The following HTR7 variants were observed in gnomAD, a reference collection of about 807,000 sequenced individuals.
The protein encoded by HTR7 is 5-hydroxytryptamine receptor 7, also known as 5-HT-7.
In HTR7, 16 loss-of-function variants were observed where a neutral mutation model predicts 34.0. The ratio of observed to expected loss-of-function variants is 0.47; its 90% CI spans 0.32 to 0.71. The LOEUF (loss-of-function observed/expected upper bound fraction) is 0.71, where lower values mean the gene tolerates loss of function less well. Among genes scored for constraint, HTR7 ranks in the 30% least tolerant of loss-of-function variants. The probability of loss-of-function intolerance (pLI) is 0.04; values close to 1 mark genes in which losing one functional copy is unlikely to be tolerated. For missense variants in HTR7, 504 were observed against 625.5 expected, an observed-to-expected ratio of 0.81 and a Z score of 2.07; for synonymous variants, 265 against 260.2, an observed-to-expected ratio of 1.02 and a Z score of -0.18.
chr10:90,856,252 G>C (rs1376719755), intron 1 of HTR7, among the ~76,000 whole-genome samples: 3 of 152,214 alleles, frequency 2.0e-5, no homozygotes. Flanking sequence ...AAGTGAAATA[G>C]AGTTGTTTTA....
At chr10:90,830,789 GA>G (rs770904900) in intron 1 of HTR7, among the ~76,000 whole-genome samples, 1,681 of 83,740 alleles carry the variant, frequency 0.02, 30 homozygotes, top group African/African-American at 0.066. Flanking sequence ...CCCTGTCTCA[GA>G]AAAAAAAAAA....
At chr10:90,814,482 T>C (rs4933195) in intron 1 of HTR7, among the ~76,000 whole-genome samples, 5 of 151,962 alleles carry the variant, frequency 3.3e-5, no homozygotes, top group Admixed American at 6.6e-5. Flanking sequence ...ATGCTAATAA[T>C]ACATTAAAGT....
chr10:90,785,142 T>G (rs1277847853), intron 1 of HTR7, among the ~76,000 whole-genome samples: 1 of 152,202 alleles, frequency 6.6e-6, no homozygotes, highest in Non-Finnish European at 1.5e-5. Context: ...ATAAGACGCA[T>G]TAGCACAAGA....
chr10:90,826,829 C>A (rs1190646761), intron 1 of HTR7, among the ~76,000 whole-genome samples: 1 of 151,568 alleles, frequency 6.6e-6, no homozygotes, highest in Non-Finnish European at 1.5e-5. Context: ...CCCAGCTGCT[C>A]GGGAGGCTGA....
chr10:90,778,940 C>CT (rs1845265310), intron 1 of HTR7, among the ~76,000 whole-genome samples: 3 of 152,214 alleles, frequency 2.0e-5, no homozygotes, highest in Admixed American at 6.5e-5. Context: ...GCACCCTGAC[C>CT]TTTGCCTTGT....
At chr10:90,745,389 C>T (rs1467584911) in intron 2 of HTR7, among the ~76,000 whole-genome samples, 2 of 152,164 alleles carry the variant, frequency 1.3e-5, no homozygotes, top group African/African-American at 4.8e-5. Context: ...CATGAGGGCC[C>T]TGCCCCCATG....
Position 90,749,520 on chromosome 10 carries a change from G to A in HTR7, c.614C>T (p.Ser205Phe). ...NGKCMAKMIL[S>F]VWLLSASITL... ...GATGGAGGCGGAGAGAAGCCAGACGGAGAGAATCATCTTCGCCATGCATTT... is the reference window on the plus strand; with the variant it reads ...GATGGAGGCGGAGAGAAGCCAGACGAAGAGAATCATCTTCGCCATGCATTT... The change falls in exon 2 of 4, where the codon TCC (serine) becomes TTC (phenylalanine). Residue 205 changes from serine (S) to phenylalanine (F), a missense_variant. Transcript: ENST00000336152. This position sits in a 1 kb window ranked among gnomAD's most constrained non-coding sequence, Gnocchi z 4.2. The A allele has an allele frequency of 1.2e-6, 2 of 1,614,158 alleles. No homozygotes were observed. The highest frequency in any genetic ancestry group is 2.2e-5 in the East Asian group (1 of 44,874).
intron 2 of HTR7, 110 bp downstream of exon 2, chr10:90,748,729 T>C (rs1402471046): frequency 4.2e-6 from 5 of 1,203,112 alleles, no homozygotes; most frequent in Non-Finnish European, 5.8e-6. Context: ...CTGGTATGTT[T>C]AGTAAAAACT....
chr10:90,852,202 TA>T (rs60371298), intron 1 of HTR7, among the ~76,000 whole-genome samples: 102 of 134,996 alleles, frequency 7.6e-4, no homozygotes, highest in Middle Eastern at 3.7e-3. Flanking sequence ...TTATGTGAAG[TA>T]AAAAAAAAAA....
At chr10:90,762,265 GTTCCCTTTTCT>G (rs1844951247) in intron 1 of HTR7, among the ~76,000 whole-genome samples, 1 of 152,184 alleles carries the variant, frequency 6.6e-6, no homozygotes, top group Non-Finnish European at 1.5e-5. Flanking sequence ...GTGCATAGGG[GTTCCCTTTTCT>G]CAGCATCCTC....
intron 1 of HTR7, among the ~76,000 whole-genome samples, chr10:90,829,366 T>G (rs982925001): frequency 2.0e-5 from 3 of 152,188 alleles, no homozygotes; most frequent in Admixed American, 6.5e-5. Flanking sequence ...TTTCTTTTTT[T>G]GGGGTTGTCA....
intron 1 of HTR7, among the ~76,000 whole-genome samples, chr10:90,833,394 A>G (rs1846207603): frequency 1.3e-5 from 2 of 152,208 alleles, no homozygotes; most frequent in South Asian, 2.1e-4. Context: ...AAGCAGACCC[A>G]TGCTGGTTTG....
At position 90,847,639 on chromosome 10, in the gene HTR7, G is replaced by A. The variant is rs539336872; in HGVS notation, c.539+9494C>T. On this transcript the variant is annotated intron_variant, in intron 1 of 3. Transcript: ENST00000336152. Reference sequence around the variant, plus strand: ...GGGAATGAGTCATAGTACCTGGCGAGGAAGCAAGGCTTCAGCCAGATACCA... The same window carrying A: ...GGGAATGAGTCATAGTACCTGGCGAAGAAGCAAGGCTTCAGCCAGATACCA... Among the ~76,000 whole-genome samples, 11 of 152,312 alleles carry A rather than the reference G, an allele frequency of 7.2e-5. No individual in the cohort carries two copies. In the South Asian group the frequency reaches 2.1e-3, roughly 29 times the overall value.
At chr10:90,848,957 C>A (rs1846453351) in intron 1 of HTR7, among the ~76,000 whole-genome samples, 2 of 152,174 alleles carry the variant, frequency 1.3e-5, no homozygotes, top group Admixed American at 6.5e-5. Context: ...TTAGGCCCAA[C>A]AATCTGTGTT....
intron 1 of HTR7, among the ~76,000 whole-genome samples, chr10:90,851,758 T>C (rs2120127378): frequency 6.6e-6 from 1 of 152,274 alleles, no homozygotes; most frequent in Middle Eastern, 3.4e-3. Flanking sequence ...AATCCCCACA[T>C]GTCAAGGGCA....
intron 1 of HTR7, among the ~76,000 whole-genome samples, chr10:90,851,905 G>A (rs568183915): frequency 2.9e-4 from 44 of 152,288 alleles, no homozygotes; most frequent in African/African-American, 1.0e-3. Context: ...CTGCTGCCAT[G>A]AAAGACATGT....
chr10:90,788,426 C>T (rs1845414924), intron 1 of HTR7, among the ~76,000 whole-genome samples: 1 of 152,164 alleles, frequency 6.6e-6, no homozygotes, highest in African/African-American at 2.4e-5. Flanking sequence ...ACAGGAAAGG[C>T]CTACATATAT....
In HTR7 at chr10:90,741,638, CCCATGGGTGGG is replaced by C. The variant is rs1366156173; in HGVS notation, c.*833_*843del. 1 of 152,514 alleles carries C rather than the reference CCCATGGGTGGG, an allele frequency of 6.6e-6. No individual in the cohort carries two copies. Among genetic ancestry groups the C allele is most frequent in the Non-Finnish European group, 1.5e-5 (1 of 68,040 alleles). 9.4% of individuals were successfully genotyped at this position (152,514 alleles called of 1,614,324 possible). On this transcript the variant is annotated 3_prime_UTR_variant, in exon 4 of 4. Coordinates refer to ENST00000336152, the MANE Select transcript of HTR7 (RefSeq NM_019859.4). ...CACATAACATACAGTTATGGGCCAG[CCCATGGGTGGG>C]CCCACTGCAGCCTTGTAGAAAATGA...
chr10:90,831,311 C>A (rs1337608130), intron 1 of HTR7, among the ~76,000 whole-genome samples: 1 of 152,024 alleles, frequency 6.6e-6, no homozygotes, highest in African/African-American at 2.4e-5. Flanking sequence ...TTTCTTCCTT[C>A]TGGTGGGTTC....
Sources: allele counts gnomAD v4.1 joint callset (sites outside exome capture counted in the v4.1 genomes callset), GRCh38; gene constraint gnomAD v4.1.1; non-coding constraint Gnocchi (gnomAD v3.1); transcripts MANE v1.5; gene names NCBI Gene and HGNC (gene_info 2026-07-23, HGNC 2026-07-21).